Variants in CFAP47 observed in about 807,000 individuals in gnomAD.
CFAP47 encodes cilia and flagella associated protein 47, also known as cilia- and flagella-associated protein 47.
A neutral mutation model predicts 148.1 loss-of-function variants in CFAP47; 29 were observed. That is an observed-to-expected ratio of 0.20 (90% confidence interval 0.15 to 0.27). The LOEUF is 0.27. CFAP47 is among the 10% of genes least tolerant of loss of function. CFAP47 has a pLI of 1.00. For synonymous variants in CFAP47, 664 were observed against 577.3 expected (o/e 1.15, Z -2.15); for missense variants, 1,872 against 1,697.5 (o/e 1.10, Z -1.81).
chrX:36,249,132 A>T (rs1940660797), intron 48 of CFAP47, among the ~76,000 whole-genome samples: 2 of 110,289 alleles, frequency 1.8e-5, no homozygotes, highest in African/African-American at 6.6e-5. Context: ...AAGTAACTAG[A>T]AAAACAAGCA....
chrX:36,111,617 A>G (rs1938556431), intron 33 of CFAP47, among the ~76,000 whole-genome samples: 1 of 111,039 alleles, frequency 9.0e-6, no homozygotes, highest in South Asian at 3.8e-4. Flanking sequence ...ATGATGCTGG[A>G]CTCATAGAAT....
intron 32 of CFAP47, among the ~76,000 whole-genome samples, chrX:36,103,885 C>T (rs1163864146): frequency 9.0e-6 from 1 of 111,664 alleles, no homozygotes. Flanking sequence ...CTGACAGACA[C>T]AGAGTTCTTT....
rs1331786839 is a variant in CFAP47 at position 36,385,278 on chromosome X, C to A, written c.*272C>A. The stretch of plus-strand genomic sequence containing the variant: ...TATAATTTAAATGACAACAGTATTT[C>A]CAATAACAGCGTTGCTAATAAAGCT... On this transcript the variant is annotated 3_prime_UTR_variant, in exon 64 of 64. Coordinates refer to ENST00000378653, the MANE Select transcript of CFAP47 (RefSeq NM_001304548.2). 1 of 248,958 alleles carries A rather than the reference C, an allele frequency of 4.0e-6. No homozygotes were observed. Among genetic ancestry groups the A allele is most frequent in the Non-Finnish European group, 7.1e-6 (1 of 141,169 alleles). The allele number at this position is 248,958 out of a possible 1,213,427, so 20.5% of individuals were successfully genotyped here.
intron 22 of CFAP47, among the ~76,000 whole-genome samples, chrX:36,017,313 A>C (rs773340264): frequency 4.2e-4 from 47 of 112,023 alleles, no homozygotes; most frequent in African/African-American, 1.5e-3. Context: ...GTAGTTTGCA[A>C]ATATTTTATC....
intron 57 of CFAP47, among the ~76,000 whole-genome samples, chrX:36,335,049 A>T (rs1226270633): frequency 9.0e-6 from 1 of 111,002 alleles, no homozygotes; most frequent in African/African-American, 3.3e-5. Flanking sequence ...ACCCACAAAC[A>T]TTTTAAAATT....
chrX:36,227,450 A>G (rs913412688), intron 45 of CFAP47, among the ~76,000 whole-genome samples: 59 of 112,248 alleles, frequency 5.3e-4, no homozygotes, highest in Middle Eastern at 4.7e-3. Flanking sequence ...GATATGTAAC[A>G]TTACATAATG....
chrX:36,279,008 C>T (rs1233414276), intron 49 of CFAP47, among the ~76,000 whole-genome samples: 5 of 111,414 alleles, frequency 4.5e-5, no homozygotes, highest in African/African-American at 1.6e-4. Context: ...TGTCAACACA[C>T]GAAACACCTG....
intron 30 of CFAP47, among the ~76,000 whole-genome samples, chrX:36,095,568 T>C (rs1209773990): frequency 1.8e-5 from 2 of 111,550 alleles, no homozygotes; most frequent in South Asian, 3.7e-4. Context: ...TATTTGTTAT[T>C]GGTCTGTTCA....
chrX:36,372,918 A>T (rs1941986168), intron 62 of CFAP47, among the ~76,000 whole-genome samples: 1 of 111,398 alleles, frequency 9.0e-6, no homozygotes. Flanking sequence ...TGTTCTATTG[A>T]CCTATGTGTC....
chrX:36,024,516 C>T (rs1486508415), intron 22 of CFAP47, among the ~76,000 whole-genome samples: 1 of 111,369 alleles, frequency 9.0e-6, no homozygotes, highest in Admixed American at 9.5e-5. Flanking sequence ...TTAGGACTTA[C>T]CTAGGAATTG....
intron 37 of CFAP47, among the ~76,000 whole-genome samples, chrX:36,156,052 A>T (rs1384789676): frequency 9.0e-6 from 1 of 111,572 alleles, no homozygotes; most frequent in Non-Finnish European, 1.9e-5. Context: ...TTCTGAACAC[A>T]TATAAAAAAC....
intron 29 of CFAP47, among the ~76,000 whole-genome samples, chrX:36,079,638 C>T (rs142365300): frequency 0.028 from 3,076 of 111,250 alleles, 103 homozygotes; most frequent in African/African-American, 0.094. Context: ...TCCTTTAGCT[C>T]GGAGAAGTTT....
At chrX:36,342,339 A>G (rs1274757753) in intron 57 of CFAP47, among the ~76,000 whole-genome samples, 2 of 112,204 alleles carry the variant, frequency 1.8e-5, no homozygotes, top group Non-Finnish European at 3.8e-5. Context: ...GTATAAATGT[A>G]GGGTGATGGC....
chrX:35,951,112 A>C lies in CFAP47; in HGVS notation c.657-19A>C. The C allele has an allele frequency of 9.1e-7, 1 of 1,101,306 alleles. No homozygotes were observed. The highest frequency in any genetic ancestry group is 1.3e-6 in the Non-Finnish European group (1 of 796,625). The allele number at this position is 1,101,306 out of a possible 1,213,427, so 90.8% of individuals were successfully genotyped here. ...CTAATTAAAATATGTATGTATGTGC[A>C]TATCTTATTATCCTGTAGAGTGATT... On this transcript the variant is annotated intron_variant, in intron 4 of 63. Coordinates refer to ENST00000378653, the MANE Select transcript of CFAP47 (RefSeq NM_001304548.2).
intron 25 of CFAP47, among the ~76,000 whole-genome samples, chrX:36,042,094 A>G (rs1937413138): frequency 9.0e-6 from 1 of 111,402 alleles, no homozygotes; most frequent in African/African-American, 3.3e-5. Context: ...AAGGTATGTG[A>G]TATAATTTTT....
At chrX:36,362,799 A>C (rs782461611) in intron 61 of CFAP47, among the ~76,000 whole-genome samples, 1 of 112,202 alleles carries the variant, frequency 8.9e-6, no homozygotes, top group African/African-American at 3.2e-5. Flanking sequence ...ACGAAAAGAC[A>C]CCAGGGTCAT....
At chrX:36,147,565 G>T (rs1365770983) in intron 36 of CFAP47, among the ~76,000 whole-genome samples, 1 of 112,529 alleles carries the variant, frequency 8.9e-6, no homozygotes, top group African/African-American at 3.2e-5. Context: ...ATGAATGTAT[G>T]TACCTACAAA....
intron 25 of CFAP47, among the ~76,000 whole-genome samples, chrX:36,045,612 T>C (rs1360518898): frequency 8.9e-6 from 1 of 111,956 alleles, no homozygotes; most frequent in Non-Finnish European, 1.9e-5. Context: ...CTTTGTTAGG[T>C]AATGTTCAAC....
At chrX:36,040,203 T>C (rs1451103892) in intron 25 of CFAP47, among the ~76,000 whole-genome samples, 1 of 111,899 alleles carries the variant, frequency 8.9e-6, no homozygotes, top group African/African-American at 3.2e-5. Context: ...CAATAACCTC[T>C]ATAGGTAAAG....
Sources: allele counts gnomAD v4.1 joint callset (sites outside exome capture counted in the v4.1 genomes callset), GRCh38; gene constraint gnomAD v4.1.1; transcripts MANE v1.5; gene names NCBI Gene and HGNC (gene_info 2026-07-23, HGNC 2026-07-21).